The following CALML4 variants were observed in gnomAD, a reference collection of about 807,000 sequenced individuals.
CALML4 encodes calmodulin-like protein 4.
In CALML4, 16 loss-of-function variants were observed where a neutral mutation model predicts 17.9. That is an observed-to-expected ratio of 0.89 (90% CI 0.61 to 1.36). The LOEUF (loss-of-function observed/expected upper bound fraction) is 1.36. Among genes scored for constraint, CALML4 ranks in the 40% most tolerant of loss-of-function variants. CALML4 has a pLI of 0.00. For missense variants in CALML4, 203 were observed against 194.8 expected (o/e 1.04, Z -0.25); for synonymous variants, 86 against 71.5 (o/e 1.20, Z -1.02).
chr15:68,197,408 C>T lies in CALML4; in HGVS notation c.364+32G>A. On this transcript the variant is annotated intron_variant, in intron 4 of 4. Transcript: ENST00000467889. This position sits in a 1 kb window ranked among gnomAD's most constrained non-coding sequence, Gnocchi z 4.1. The stretch of plus-strand genomic sequence containing the variant: ...CTCCTTCCAACTCCCTAACCCCCTC[C>T]AACTGTTGGGAGACAGGACCCAGGC... 6.2e-7 allele frequency: 1 copy of T among 1,602,982 alleles called. No individual in the cohort carries two copies. The highest frequency in any genetic ancestry group is 1.1e-5 in the South Asian group (1 of 89,286).
chr15:68,203,494 C>T (rs1166750225), intron 2 of CALML4, among the ~76,000 whole-genome samples: 1 of 152,182 alleles, frequency 6.6e-6, no homozygotes, highest in African/African-American at 2.4e-5. Context: ...ACTTTTTGTA[C>T]AGATAGATGT....
At chr15:68,199,893 T>C (rs555471722) in intron 2 of CALML4, 8 of 431,598 alleles carry the variant, frequency 1.9e-5, no homozygotes, top group Non-Finnish European at 3.2e-5. Context: ...TATACTTTTA[T>C]TGTATGCCCC....
chr15:68,205,605 G>A (rs2093180847), upstream of CALML4: 8 of 561,436 alleles, frequency 1.4e-5, no homozygotes, highest in East Asian at 6.4e-5. The surrounding 1 kb of genome is among the most constrained non-coding windows in gnomAD (Gnocchi z 4.8). Context: ...GGGACTCGGC[G>A]GGGATGCCAT....
chr15:68,197,649 G>A lies in CALML4; in HGVS notation c.176-21C>T, dbSNP rs1163919293. The A allele has an allele frequency of 6.2e-7, 1 of 1,608,908 alleles. No homozygotes were observed. Among genetic ancestry groups the A allele is most frequent in the Admixed American group, 1.7e-5 (1 of 59,474 alleles). Reference sequence around the variant, plus strand: ...TCCGTCTAGGAAACCCGCAAACACAGCAGAGTGAGCAGAGGGAAAAAGACT... The same window carrying A: ...TCCGTCTAGGAAACCCGCAAACACAACAGAGTGAGCAGAGGGAAAAAGACT... On this transcript the variant is annotated intron_variant, in intron 3 of 4. Transcript: ENST00000467889. This position sits in a 1 kb window ranked among gnomAD's most constrained non-coding sequence, Gnocchi z 4.1.
In CALML4 at chr15:68,197,278, CCA is replaced by C. The variant is rs895784349; in HGVS notation, c.364+160_364+161del. On this transcript the variant is annotated intron_variant, in intron 4 of 4. Transcript: ENST00000467889. This position sits in a 1 kb window ranked among gnomAD's most constrained non-coding sequence, Gnocchi z 4.1. Reference sequence around the variant, plus strand: ...AGCCCCTCTAGTTCTTCCCCAGGCTCCAGTCCAGCACCCACCTAGTGTGGCAT... The same window carrying C: ...AGCCCCTCTAGTTCTTCCCCAGGCTCGTCCAGCACCCACCTAGTGTGGCAT... 2.0e-5 allele frequency among the ~76,000 whole-genome samples: 3 copies of C among 152,128 alleles called. No individual in the cohort carries two copies. Among genetic ancestry groups the C allele is most frequent in the African/African-American group, 7.2e-5 (3 of 41,420 alleles).
intron 2 of CALML4, among the ~76,000 whole-genome samples, chr15:68,202,018 G>A (rs1254275636): frequency 6.6e-6 from 1 of 152,236 alleles, no homozygotes; most frequent in Non-Finnish European, 1.5e-5. Flanking sequence ...TGAGTTCACT[G>A]TTGTATGTAG....
intron 4 of CALML4, among the ~76,000 whole-genome samples, chr15:68,194,463 A>G (rs2093134395): frequency 6.6e-6 from 1 of 151,324 alleles, no homozygotes; most frequent in Non-Finnish European, 1.5e-5. Flanking sequence ...AGCTCACTGC[A>G]ACCTCCGCCT....
chr15:68,194,132 A>ATTTTTCAGTTTGGCTT lies in CALML4; in HGVS notation c.365-36_365-21dup. The ATTTTTCAGTTTGGCTT allele has an allele frequency of 6.3e-7, 1 of 1,597,406 alleles. No individual in the cohort carries two copies. The highest frequency in any genetic ancestry group is 8.6e-7 in the Non-Finnish European group (1 of 1,165,140). ...CATCCACTGCAATAAATCACATTTA[A>ATTTTTCAGTTTGGCTT]TTTTTCAGTTTGGCTTTAGTGTTCC... On this transcript the variant is annotated intron_variant, in intron 4 of 4. Coordinates refer to ENST00000467889, the MANE Select transcript of CALML4 (RefSeq NM_033429.3).
Position 68,197,560 on chromosome 15 carries a change from G to T in CALML4, c.244C>A (p.Pro82Thr). The change falls in exon 4 of 5, where the codon CCA becomes ACA. Residue 82 changes from proline (P) to threonine (T), a missense_variant. Pro to Thr is a conservative substitution (Grantham distance 38). Transcript: ENST00000467889. This position sits in a 1 kb window ranked among gnomAD's most constrained non-coding sequence, Gnocchi z 4.1. ...ATGGCTAGAAGAATTTCTTTCTTTG[G>T]GTCTTCTTGTTTTATTTGCATGTGC... is the stretch of plus-strand genomic sequence containing the variant. ...IMHMQIKQED[P>T]KKEILLAMLM... The T allele has an allele frequency of 6.2e-7, 1 of 1,614,022 alleles. No homozygotes were observed. Among genetic ancestry groups the T allele is most frequent in the Non-Finnish European group, 8.5e-7 (1 of 1,179,990 alleles).
chr15:68,199,482 C>T, intron 3 of CALML4, 59 bp downstream of exon 3: 2 of 1,548,640 alleles, frequency 1.3e-6, no homozygotes, highest in South Asian at 1.2e-5. Context: ...CACACCTCTA[C>T]TGTCTGCACC....
At position 68,197,235 on chromosome 15, in the gene CALML4, A is replaced by C. The variant is rs946546298; in HGVS notation, c.364+205T>G. ...CTAGGCTGTCCCTTCACCCTGGCAG[A>C]CCTCCCTGCGCCCTTCCAGCCCCTC... is the stretch of plus-strand genomic sequence containing the variant. On this transcript the variant is annotated intron_variant, in intron 4 of 4. Transcript: ENST00000467889. This position sits in a 1 kb window ranked among gnomAD's most constrained non-coding sequence, Gnocchi z 4.1. Among the ~76,000 whole-genome samples the C allele has an allele frequency of 1.3e-5, 2 of 151,606 alleles. No homozygotes were observed. The highest frequency in any genetic ancestry group is 4.9e-5 in the African/African-American group (2 of 41,208).
Position 68,197,384 on chromosome 15 carries a change from T to TA in CALML4, c.364+55_364+56insT. Reference sequence around the variant, plus strand: ...TGGCATCAGCTAGGCTTTGGTGCCCTCCTTCCAACTCCCTAACCCCCTCCA... The same window carrying TA: ...TGGCATCAGCTAGGCTTTGGTGCCCTACCTTCCAACTCCCTAACCCCCTCCA... On this transcript the variant is annotated intron_variant, in intron 4 of 4. Transcript: ENST00000467889. This position sits in a 1 kb window ranked among gnomAD's most constrained non-coding sequence, Gnocchi z 4.1. 6.4e-7 allele frequency: 1 copy of TA among 1,556,768 alleles called. No individual in the cohort carries two copies. The highest frequency in any genetic ancestry group is 8.7e-7 in the Non-Finnish European group (1 of 1,145,902).
In CALML4 at chr15:68,205,025, C is replaced by T; in HGVS notation, c.34+96G>A. The stretch of plus-strand genomic sequence containing the variant: ...TGGGTGGGCCCAGCTCTCCCACAGC[C>T]ACCTTCCTTCCCACCAAGAAAACAT... On this transcript the variant is annotated intron_variant, in intron 2 of 4. Transcript: ENST00000467889. This position sits in a 1 kb window ranked among gnomAD's most constrained non-coding sequence, Gnocchi z 4.8. 1.4e-6 allele frequency: 2 copies of T among 1,463,474 alleles called. No individual in the cohort carries two copies. Among genetic ancestry groups the T allele is most frequent in the Non-Finnish European group, 1.9e-6 (2 of 1,051,516 alleles). 90.7% of individuals were successfully genotyped at this position (1,463,474 alleles called of 1,614,324 possible).
intron 2 of CALML4, among the ~76,000 whole-genome samples, chr15:68,203,273 C>T (rs1385662482): frequency 6.6e-6 from 1 of 152,196 alleles, no homozygotes; most frequent in Non-Finnish European, 1.5e-5. Flanking sequence ...CTCTTATATC[C>T]ATTGCCAACC....
intron 4 of CALML4, among the ~76,000 whole-genome samples, chr15:68,194,337 G>A (rs28604333): frequency 3.3e-5 from 5 of 151,354 alleles, no homozygotes; most frequent in African/African-American, 9.7e-5. Context: ...GGGGCAGGGA[G>A]TAGGGAGGTG....
rs1006266953 is a variant in CALML4 at position 68,205,071 on chromosome 15, T to G, written c.34+50A>C. On this transcript the variant is annotated intron_variant, in intron 2 of 4. Coordinates refer to ENST00000467889, the MANE Select transcript of CALML4 (RefSeq NM_033429.3). This position sits in a 1 kb window ranked among gnomAD's most constrained non-coding sequence, Gnocchi z 4.8. ...AACATGAGCAGAGCAAATTGCCTAA[T>G]GAGACCCATATTTTGCTGAGTTGCT... 5 of 1,603,222 alleles carry G rather than the reference T, an allele frequency of 3.1e-6. No individual in the cohort carries two copies. Among genetic ancestry groups the G allele is most frequent in the Non-Finnish European group, 4.3e-6 (5 of 1,170,508 alleles).
chr15:68,195,258 C>T (rs1377730212), intron 4 of CALML4, among the ~76,000 whole-genome samples: 1 of 152,168 alleles, frequency 6.6e-6, no homozygotes, highest in Non-Finnish European at 1.5e-5. Context: ...TCCACACACA[C>T]ACCTCCGGTC....
chr15:68,201,716 C>T (rs147095149), intron 2 of CALML4, among the ~76,000 whole-genome samples: 2 of 152,246 alleles, frequency 1.3e-5, no homozygotes, highest in African/African-American at 4.8e-5. Context: ...TCCTCACAAA[C>T]CTTCACATCA....
At position 68,205,164 on chromosome 15, in the gene CALML4, A is replaced by C; in HGVS notation, c.4-13T>G. On this transcript the variant is annotated splice_polypyrimidine_tract_variant and intron_variant, in intron 1 of 4. Coordinates refer to ENST00000467889, the MANE Select transcript of CALML4 (RefSeq NM_033429.3). This position sits in a 1 kb window ranked among gnomAD's most constrained non-coding sequence, Gnocchi z 4.8. ...AAAGAAACTTGGCCTGCAGCAGAGA[A>C]AGGAAAACAGTCAGGGGAGGGCTCC... is the stretch of plus-strand genomic sequence containing the variant. 1.9e-6 allele frequency: 3 copies of C among 1,614,194 alleles called. No individual in the cohort carries two copies. The highest frequency in any genetic ancestry group is 2.2e-5 in the East Asian group (1 of 44,884).
Sources: allele counts gnomAD v4.1 joint callset (sites outside exome capture counted in the v4.1 genomes callset), GRCh38; gene constraint gnomAD v4.1.1; non-coding constraint Gnocchi (gnomAD v3.1); transcripts MANE v1.5; gene names NCBI Gene and HGNC (gene_info 2026-07-23, HGNC 2026-07-21).